Variants in NDFIP2 observed in about 807,000 individuals in gnomAD.
The protein encoded by NDFIP2 is Nedd4 family interacting protein 2.
In NDFIP2, 19 loss-of-function variants were observed where a neutral mutation model predicts 36.0. The ratio of observed to expected loss-of-function variants is 0.53; its 90% CI spans 0.37 to 0.77. NDFIP2 has a LOEUF of 0.77. Ranked by LOEUF, NDFIP2 falls within the 30% of genes least tolerant of loss-of-function variation. The pLI, the probability that NDFIP2 is intolerant of heterozygous loss-of-function variation, is 0.00. For synonymous variants in NDFIP2, 181 were observed against 167.7 expected, an observed-to-expected ratio of 1.08 and a Z score of -0.61; for missense variants, 446 against 435.8, an observed-to-expected ratio of 1.02 and a Z score of -0.21.
chr13:79,486,111 C>T (rs548446644), intron 1 of NDFIP2, among the ~76,000 whole-genome samples: 128 of 152,160 alleles, frequency 8.4e-4, no homozygotes, highest in African/African-American at 3.0e-3. Context: ...CTTTGGGTCC[C>T]ATTCCCAAGA....
chr13:79,512,876 T>G (rs1427453300), intron 1 of NDFIP2, among the ~76,000 whole-genome samples: 1 of 152,194 alleles, frequency 6.6e-6, no homozygotes, highest in Non-Finnish European at 1.5e-5. Context: ...GGTCCTGTGG[T>G]TGTAGCTTCT....
At chr13:79,544,981 T>C (rs1459902815) in intron 5 of NDFIP2, among the ~76,000 whole-genome samples, 1 of 152,150 alleles carries the variant, frequency 6.6e-6, no homozygotes, top group African/African-American at 2.4e-5. Context: ...TTGCAAAAGA[T>C]GTACAGTGGG....
At chr13:79,550,977 A>G in intron 6 of NDFIP2, 40 bp from the exon 7 acceptor site, 2 of 1,231,956 alleles carry the variant, frequency 1.6e-6, no homozygotes, top group Non-Finnish European at 2.3e-6. Context: ...CCTTTTCTGT[A>G]TAAAAACATA....
rs150528277 is a variant in NDFIP2 at position 79,536,980 on chromosome 13, A to G, written c.622-2702A>G. Among the ~76,000 whole-genome samples the G allele has an allele frequency of 6.5e-4, 99 of 151,954 alleles. 2 individuals carry two copies. In the East Asian group the frequency reaches 0.015, roughly 23 times the overall value. ...GAGATTGAGGCTGTAGTGATCCCGG[A>G]TGAAGACTGCAGTGAGCCATGATTG... On this transcript the variant is annotated intron_variant, in intron 3 of 7. Coordinates refer to ENST00000218652, the MANE Select transcript of NDFIP2 (RefSeq NM_019080.3).
intron 2 of NDFIP2, among the ~76,000 whole-genome samples, chr13:79,526,399 G>C (rs1291315361): frequency 6.6e-6 from 1 of 152,156 alleles, no homozygotes; most frequent in African/African-American, 2.4e-5. Flanking sequence ...AATAAATGTT[G>C]TAAATCAACT....
At chr13:79,529,852 G>A (rs952627034) in intron 2 of NDFIP2, among the ~76,000 whole-genome samples, 2 of 152,152 alleles carry the variant, frequency 1.3e-5, no homozygotes, top group Non-Finnish European at 2.9e-5. Flanking sequence ...AATATTGCTG[G>A]TTCATTTTCA....
intron 1 of NDFIP2, among the ~76,000 whole-genome samples, chr13:79,490,565 T>A (rs925471219): frequency 6.6e-6 from 1 of 152,192 alleles, no homozygotes; most frequent in African/African-American, 2.4e-5. Flanking sequence ...TCTGCCATTG[T>A]AGTGCAGCAG....
At chr13:79,547,579 GA>G (rs1197538882) in intron 5 of NDFIP2, among the ~76,000 whole-genome samples, 1 of 152,110 alleles carries the variant, frequency 6.6e-6, no homozygotes, top group Admixed American at 6.5e-5. Flanking sequence ...AATGAAGTGT[GA>G]TGTCTAGAGT....
chr13:79,555,343 C>T lies in NDFIP2; in HGVS notation c.*2830C>T, dbSNP rs1439451174. ...ATATCCTTAGTTTGCTCAAAAGAGT[C>T]CTGGTTATTCCTGTTTTCTCAGCTT... On this transcript the variant is annotated 3_prime_UTR_variant, in exon 8 of 8. Coordinates refer to ENST00000218652, the MANE Select transcript of NDFIP2 (RefSeq NM_019080.3). 2.0e-5 allele frequency: 3 copies of T among 150,756 alleles called. No individual in the cohort carries two copies. The East Asian group carries it at 5.8e-4, about 29-fold the overall frequency. 9.3% of individuals were successfully genotyped at this position (150,756 alleles called of 1,614,324 possible).
In NDFIP2 at chr13:79,485,373, A is replaced by G. The variant is rs181116729; in HGVS notation, c.321+3849A>G. On this transcript the variant is annotated intron_variant, in intron 1 of 7. Transcript: ENST00000218652. ...TGAGGAAATGGAAAGCTTTACACACACTCAGCAAGAATGTGCAGGGACATT... is the reference window on the plus strand; with the variant it reads ...TGAGGAAATGGAAAGCTTTACACACGCTCAGCAAGAATGTGCAGGGACATT... Among the ~76,000 whole-genome samples, 3 of 152,290 alleles carry G rather than the reference A, an allele frequency of 2.0e-5. No homozygotes were observed. The East Asian group carries it at 5.8e-4, about 29-fold the overall frequency.
intron 2 of NDFIP2, among the ~76,000 whole-genome samples, chr13:79,532,883 A>G (rs1875070286): frequency 1.3e-5 from 2 of 152,236 alleles, no homozygotes; most frequent in Admixed American, 6.5e-5. Context: ...CAATGTATAC[A>G]GAAGTGGTAT....
chr13:79,501,414 T>G (rs1171873569), intron 1 of NDFIP2, among the ~76,000 whole-genome samples: 2 of 151,460 alleles, frequency 1.3e-5, no homozygotes, highest in Non-Finnish European at 2.9e-5. Flanking sequence ...GGGAAGGGGG[T>G]GTATGGGAAA....
chr13:79,545,157 G>T (rs1875617337), intron 5 of NDFIP2, among the ~76,000 whole-genome samples: 3 of 151,964 alleles, frequency 2.0e-5, no homozygotes, highest in Admixed American at 2.0e-4. Flanking sequence ...ATTCAAATGG[G>T]ATTTCTCATC....
chr13:79,488,815 T>C (rs1007550167), intron 1 of NDFIP2, among the ~76,000 whole-genome samples: 5 of 152,144 alleles, frequency 3.3e-5, no homozygotes, highest in South Asian at 4.1e-4. Flanking sequence ...ATAAATTCTT[T>C]GAAGAAAATA....
intron 1 of NDFIP2, 108 bp downstream of exon 1, chr13:79,481,632 T>C: frequency 2.2e-6 from 3 of 1,350,640 alleles, no homozygotes; most frequent in Non-Finnish European, 3.0e-6. Context: ...TTTTTTTTGT[T>C]GTGTTTTGTT....
chr13:79,547,227 AG>A (rs1875720472), intron 5 of NDFIP2, among the ~76,000 whole-genome samples: 1 of 152,064 alleles, frequency 6.6e-6, no homozygotes, highest in Admixed American at 6.6e-5. Context: ...ACAATTTGTA[AG>A]CATTTTTTAT....
chr13:79,551,862 C>T (rs1047241098), intron 7 of NDFIP2, among the ~76,000 whole-genome samples: 10 of 151,246 alleles, frequency 6.6e-5, no homozygotes, highest in African/African-American at 2.4e-4. Flanking sequence ...GTACTTTATA[C>T]CTATAAATAA....
At chr13:79,494,049 A>T (rs1165219563) in intron 1 of NDFIP2, among the ~76,000 whole-genome samples, 1 of 152,090 alleles carries the variant, frequency 6.6e-6, no homozygotes, top group African/African-American at 2.4e-5. Context: ...GCTTTATTTT[A>T]CTGTGTATTT....
intron 1 of NDFIP2, among the ~76,000 whole-genome samples, chr13:79,519,915 C>T (rs1378800450): frequency 2.0e-5 from 3 of 152,302 alleles, no homozygotes; most frequent in East Asian, 3.9e-4. Flanking sequence ...ATTCTCCTGC[C>T]TCAGCCACCC....
Sources: allele counts gnomAD v4.1 joint callset (sites outside exome capture counted in the v4.1 genomes callset), GRCh38; gene constraint gnomAD v4.1.1; transcripts MANE v1.5; gene names NCBI Gene and HGNC (gene_info 2026-07-23, HGNC 2026-07-21).